Variants in ZNF804B observed in about 807,000 individuals in gnomAD.
ZNF804B encodes zinc finger protein 804B.
Under a neutral mutation model 101.4 loss-of-function variants are expected in ZNF804B, and 80 were observed. The observed-to-expected ratio is 0.79, with a 90% CI of 0.66 to 0.95. The LOEUF (loss-of-function observed/expected upper bound fraction) is 0.95, where lower values mean the gene tolerates loss of function less well. Among genes scored for constraint, ZNF804B ranks in the 40% least tolerant of loss-of-function variants. ZNF804B has a pLI of 0.00. For synonymous variants in ZNF804B, 622 were observed against 558.8 expected (o/e 1.11, Z -1.59); for missense variants, 1,673 against 1,561.9 (o/e 1.07, Z -1.20).
intron 1 of ZNF804B, among the ~76,000 whole-genome samples, chr7:89,108,223 C>CTTTT (rs68099837): frequency 4.3e-5 from 6 of 140,334 alleles, no homozygotes; most frequent in Non-Finnish European, 4.7e-5. Flanking sequence ...TAATTAGCTG[C>CTTTT]TTTTTTTTTT....
intron 1 of ZNF804B, among the ~76,000 whole-genome samples, chr7:88,872,316 C>A (rs1284558532): frequency 6.6e-6 from 1 of 151,996 alleles, no homozygotes; most frequent in East Asian, 1.9e-4. Context: ...CCTTGGGAGG[C>A]CAAGGCAGGA....
At chr7:88,833,038 A>T (rs2115787204) in intron 1 of ZNF804B, among the ~76,000 whole-genome samples, 1 of 151,760 alleles carries the variant, frequency 6.6e-6, no homozygotes, top group African/African-American at 2.4e-5. Flanking sequence ...CTAAAATCTG[A>T]TTGTTTTTAT....
At chr7:88,951,819 AT>A (rs1373402419) in intron 1 of ZNF804B, among the ~76,000 whole-genome samples, 1 of 151,890 alleles carries the variant, frequency 6.6e-6, no homozygotes, top group Non-Finnish European at 1.5e-5. Context: ...TCTTTAACAT[AT>A]TTCTGAATAA....
At chr7:89,192,068 T>C (rs916141503) in intron 1 of ZNF804B, among the ~76,000 whole-genome samples, 1 of 152,092 alleles carries the variant, frequency 6.6e-6, no homozygotes, top group Non-Finnish European at 1.5e-5. Context: ...AGGATTCTTA[T>C]TAGGAGGATG....
rs539933631 is a variant in ZNF804B, at chr7:89,302,544, A to G, written c.250-24800A>G. 1.4e-4 allele frequency among the ~76,000 whole-genome samples: 21 copies of G among 152,046 alleles called. No individual in the cohort carries two copies. The South Asian group carries it at 2.7e-3, about 19-fold the overall frequency. ...AGAGAGAAAGAGACAGAAGAATGAT[A>G]TAGTTGATCACAGAGAAGGAGAGAT... is the stretch of plus-strand genomic sequence containing the variant. On this transcript the variant is annotated intron_variant, in intron 2 of 3. Transcript: ENST00000333190.
At chr7:89,125,736 TA>T (rs1790467325) in intron 1 of ZNF804B, among the ~76,000 whole-genome samples, 1 of 152,126 alleles carries the variant, frequency 6.6e-6, no homozygotes, top group African/African-American at 2.4e-5. Flanking sequence ...TTAACAACAG[TA>T]GCCTGTCTAT....
At chr7:89,198,988 A>T (rs1788593802) in intron 1 of ZNF804B, among the ~76,000 whole-genome samples, 1 of 151,858 alleles carries the variant, frequency 6.6e-6, no homozygotes. Context: ...TCAGCAATAA[A>T]GGGCACTGGT....
intron 1 of ZNF804B, among the ~76,000 whole-genome samples, chr7:88,787,213 A>C (rs1473374016): frequency 3.9e-5 from 6 of 152,140 alleles, no homozygotes; most frequent in African/African-American, 1.4e-4. Context: ...CTGGGTAGCA[A>C]AGTAAGCATG....
At chr7:88,839,667 A>G (rs866469204) in intron 1 of ZNF804B, among the ~76,000 whole-genome samples, 2 of 152,086 alleles carry the variant, frequency 1.3e-5, no homozygotes, top group Non-Finnish European at 2.9e-5. Context: ...TATGGAGAAT[A>G]ACACAGTCTT....
intron 1 of ZNF804B, among the ~76,000 whole-genome samples, chr7:89,014,108 T>C (rs1788503409): frequency 6.6e-6 from 1 of 152,166 alleles, no homozygotes; most frequent in Non-Finnish European, 1.5e-5. Flanking sequence ...GTTCTATTTG[T>C]AGTTTTTTAG....
intron 2 of ZNF804B, among the ~76,000 whole-genome samples, chr7:89,231,785 G>A (rs566082375): frequency 5.3e-5 from 8 of 151,746 alleles, no homozygotes; most frequent in South Asian, 2.1e-4. Flanking sequence ...ATTTTATATC[G>A]ATCCTGTAAT....
intron 1 of ZNF804B, among the ~76,000 whole-genome samples, chr7:89,099,036 ATT>A (rs2116335583): frequency 6.8e-6 from 1 of 147,614 alleles, no homozygotes; most frequent in South Asian, 2.1e-4. Context: ...TATTATATAT[ATT>A]ATATATTATA....
chr7:89,052,120 C>T (rs1789215615), intron 1 of ZNF804B, among the ~76,000 whole-genome samples: 1 of 151,844 alleles, frequency 6.6e-6, no homozygotes, highest in Non-Finnish European at 1.5e-5. Flanking sequence ...TTTTATTGTT[C>T]AGGTATTAAC....
At chr7:88,858,467 G>C (rs1409494756) in intron 1 of ZNF804B, among the ~76,000 whole-genome samples, 1 of 152,154 alleles carries the variant, frequency 6.6e-6, no homozygotes, top group Non-Finnish European at 1.5e-5. Context: ...TTTTTATACA[G>C]TTGGTGATTA....
At chr7:89,052,410 C>T (rs2116267764) in intron 1 of ZNF804B, among the ~76,000 whole-genome samples, 1 of 152,192 alleles carries the variant, frequency 6.6e-6, no homozygotes, top group South Asian at 2.1e-4. Flanking sequence ...TCAGTGATTG[C>T]TGGTGCTAGA....
chr7:88,821,084 T>G (rs1790973936), intron 1 of ZNF804B, among the ~76,000 whole-genome samples: 1 of 152,158 alleles, frequency 6.6e-6, no homozygotes. Flanking sequence ...AATTGTGAAT[T>G]TGGCCTACAG....
chr7:89,186,052 A>G (rs1788370940), intron 1 of ZNF804B, among the ~76,000 whole-genome samples: 1 of 152,148 alleles, frequency 6.6e-6, no homozygotes, highest in African/African-American at 2.4e-5. Flanking sequence ...GTTGATACTT[A>G]TATAGTGAAA....
intron 1 of ZNF804B, among the ~76,000 whole-genome samples, chr7:88,877,050 T>TATAATATATATATAATATATA (rs1491216741): frequency 2.0e-4 from 4 of 20,200 alleles, no homozygotes; most frequent in African/African-American, 1.2e-3. Context: ...TATATATATA[T>TATAATATATATATAATATATA]TTTTTTTTTT....
At chr7:89,301,187 T>A (rs2115922100) in intron 2 of ZNF804B, among the ~76,000 whole-genome samples, 1 of 147,108 alleles carries the variant, frequency 6.8e-6, no homozygotes, top group East Asian at 2.1e-4. Flanking sequence ...GATAGATACC[T>A]TAAACTTACC....
Sources: gnomAD v4.1 joint callset for allele counts (sites outside exome capture counted in the v4.1 genomes callset) on GRCh38, gnomAD v4.1.1 for gene constraint, MANE v1.5 for transcripts, NCBI Gene and HGNC (gene_info 2026-07-23, HGNC 2026-07-21) for gene names.